SUGCT: variants seen among roughly 807,000 people sequenced by gnomAD.
SUGCT encodes the protein succinyl-CoA:glutarate CoA-transferase.
A neutral mutation model predicts 55.0 loss-of-function variants in SUGCT; 41 were observed. That is an observed-to-expected ratio of 0.74 (90% CI 0.58 to 0.97). The LOEUF (loss-of-function observed/expected upper bound fraction) is 0.97. SUGCT is among the 50% of genes least tolerant of loss of function. The pLI is 0.00. For synonymous variants in SUGCT, 187 were observed against 200.4 expected, an observed-to-expected ratio of 0.93 and a Z score of 0.56; for missense variants, 568 against 547.8, an observed-to-expected ratio of 1.04 and a Z score of -0.37.
At chr7:40,399,017 TCACTGC>T (rs1234098734) in intron 9 of SUGCT, among the ~76,000 whole-genome samples, 2 of 152,194 alleles carry the variant, frequency 1.3e-5, no homozygotes, top group Non-Finnish European at 2.9e-5. Context: ...GATTGCTGTT[TCACTGC>T]CACTGCAATG....
chr7:40,970,230 G>A, the SUGCT span, among the ~76,000 whole-genome samples: 1 of 152,030 alleles, frequency 6.6e-6, no homozygotes, highest in Non-Finnish European at 1.5e-5. Flanking sequence ...GGAATGCAAT[G>A]ACGCGATGTC....
chr7:40,330,955 A>G lies in SUGCT; in HGVS notation c.816+14100A>G, dbSNP rs558711621. ...TGAAAATGAATTTTATTTTTCTAAA[A>G]CATTATCTAAAATTTAGATAATTTT... is the stretch of plus-strand genomic sequence containing the variant. On this transcript the variant is annotated intron_variant, in intron 9 of 13. Transcript: ENST00000335693. Among the ~76,000 whole-genome samples the G allele has an allele frequency of 7.9e-5, 12 of 152,328 alleles. No individual in the cohort carries two copies. The East Asian group carries it at 9.6e-4, about 12-fold the overall frequency.
At chr7:41,006,263 C>G in the SUGCT span, among the ~76,000 whole-genome samples, 4 of 152,160 alleles carry the variant, frequency 2.6e-5, no homozygotes, top group African/African-American at 9.7e-5. Flanking sequence ...ACTGACAAAA[C>G]TAATTAAAGA....
At chr7:40,756,146 A>G (rs1452512735) in intron 13 of SUGCT, among the ~76,000 whole-genome samples, 1 of 152,154 alleles carries the variant, frequency 6.6e-6, no homozygotes, top group Non-Finnish European at 1.5e-5. Context: ...GTAAGTAATG[A>G]TCTAAAACAC....
chr7:40,542,203 C>T (rs1752024518), intron 12 of SUGCT, among the ~76,000 whole-genome samples: 1 of 152,210 alleles, frequency 6.6e-6, no homozygotes, highest in Non-Finnish European at 1.5e-5. Context: ...AATTCATCCT[C>T]ACAAAGGCCA....
chr7:40,350,012 A>AT (rs1324172706), intron 9 of SUGCT, among the ~76,000 whole-genome samples: 7 of 152,064 alleles, frequency 4.6e-5, no homozygotes, highest in East Asian at 3.9e-4. Flanking sequence ...GTCAACATAG[A>AT]TTTTTTACCT....
intron 12 of SUGCT, among the ~76,000 whole-genome samples, chr7:40,594,195 G>A (rs543326659): frequency 3.0e-4 from 46 of 152,172 alleles, no homozygotes; most frequent in Admixed American, 5.2e-4. Flanking sequence ...GGAGAGGGGA[G>A]GGATAGCATT....
rs184187633 is a variant in SUGCT, at chr7:40,634,816, A to G, written c.1090-114618A>G. 1.8e-3 allele frequency among the ~76,000 whole-genome samples: 275 copies of G among 152,360 alleles called. 1 individual carries two copies. The highest frequency in any genetic ancestry group is 3.1e-3 in the Non-Finnish European group (212 of 68,032). ...AAAGGAATGAGTATCCAAATTAAGT[A>G]GTAAAAAGAGATTGTCAAGAGAAAG... On this transcript the variant is annotated intron_variant, in intron 12 of 13. Coordinates refer to ENST00000335693, the MANE Select transcript of SUGCT (RefSeq NM_001193313.2).
At chr7:40,771,013 G>A (rs1244345945) in intron 13 of SUGCT, among the ~76,000 whole-genome samples, 1 of 152,106 alleles carries the variant, frequency 6.6e-6, no homozygotes, top group African/African-American at 2.4e-5. Context: ...AAAATTTCCA[G>A]ATGCCAATGT....
chr7:40,934,677 G>GC, the SUGCT span, among the ~76,000 whole-genome samples: 152,323 of 152,326 alleles, frequency 1, 76,160 homozygotes, highest in Non-Finnish European at 1. Flanking sequence ...CCAGGCTGCA[G>GC]CTTGCAGGTC....
intron 8 of SUGCT, among the ~76,000 whole-genome samples, chr7:40,303,314 G>A (rs939318043): frequency 8.5e-5 from 13 of 152,234 alleles, no homozygotes; most frequent in Admixed American, 3.3e-4. Flanking sequence ...GATTGCAGGC[G>A]TGAGCCACCT....
chr7:40,384,001 T>C (rs774273642), intron 9 of SUGCT, among the ~76,000 whole-genome samples: 2 of 152,178 alleles, frequency 1.3e-5, no homozygotes, highest in African/African-American at 2.4e-5. Context: ...TTAATCCAAC[T>C]GGGATGGTGT....
At chr7:40,647,744 G>A (rs1483218494) in intron 12 of SUGCT, among the ~76,000 whole-genome samples, 1 of 151,808 alleles carries the variant, frequency 6.6e-6, no homozygotes, top group Non-Finnish European at 1.5e-5. Flanking sequence ...CCAGCTACTC[G>A]GTAGGCTGAG....
chr7:40,751,344 T>C (rs1173623058), intron 13 of SUGCT, among the ~76,000 whole-genome samples: 1 of 151,976 alleles, frequency 6.6e-6, no homozygotes, highest in Non-Finnish European at 1.5e-5. Flanking sequence ...TCGTTTTAAG[T>C]AGGGGAATAA....
At chr7:40,493,214 T>C (rs1256159763) in intron 11 of SUGCT, among the ~76,000 whole-genome samples, 1 of 152,206 alleles carries the variant, frequency 6.6e-6, no homozygotes, top group Admixed American at 6.5e-5. Flanking sequence ...CTGAATGAAT[T>C]TGAGCAAGTT....
intron 10 of SUGCT, among the ~76,000 whole-genome samples, chr7:40,450,470 G>C (rs1445202892): frequency 6.7e-6 from 1 of 149,530 alleles, no homozygotes; most frequent in Non-Finnish European, 1.5e-5. Context: ...TGAGCTTTCA[G>C]TGTTATTAAA....
chr7:40,521,299 G>A (rs1318071519), intron 12 of SUGCT, among the ~76,000 whole-genome samples: 1 of 152,088 alleles, frequency 6.6e-6, no homozygotes, highest in Non-Finnish European at 1.5e-5. Flanking sequence ...GTGTAGTACA[G>A]TGCTTTCCCT....
intron 5 of SUGCT, 110 bp from the exon 6 acceptor site, chr7:40,194,830 G>C: frequency 7.7e-7 from 1 of 1,290,804 alleles, no homozygotes; most frequent in Non-Finnish European, 1.0e-6. Context: ...CATCAGTCCT[G>C]TGATTTTTCT....
chr7:40,377,165 T>TC (rs1189317178), intron 9 of SUGCT, among the ~76,000 whole-genome samples: 1 of 16,074 alleles, frequency 6.2e-5, no homozygotes, highest in South Asian at 4.7e-3. Context: ...TTTCTTTCTT[T>TC]CTTTCTTTCT....
Sources: allele counts gnomAD v4.1 joint callset (sites outside exome capture counted in the v4.1 genomes callset), GRCh38; gene constraint gnomAD v4.1.1; transcripts MANE v1.5; gene names NCBI Gene and HGNC (gene_info 2026-07-23, HGNC 2026-07-21).